The following ITSN2 variants were observed in gnomAD, a reference collection of about 807,000 sequenced individuals.
ITSN2 encodes intersectin-2.
ITSN2 carries 156 observed loss-of-function variants against 243.7 expected under a neutral mutation model. That is an observed-to-expected ratio of 0.64 (90% CI 0.56 to 0.73). The LOEUF is 0.73. Ranked by LOEUF, ITSN2 falls within the 30% of genes least tolerant of loss-of-function variation. The pLI is 0.00. For synonymous variants in ITSN2, 703 were observed against 699.9 expected (o/e 1.00, Z -0.07); for missense variants, 1,801 against 1,996.1 (o/e 0.90, Z 1.86).
chr2:24,289,363 G>T (rs1324125800), intron 15 of ITSN2, among the ~76,000 whole-genome samples: 1 of 151,896 alleles, frequency 6.6e-6, no homozygotes, highest in Non-Finnish European at 1.5e-5. Flanking sequence ...AATTATTTTT[G>T]ATGCTGTCAT....
At chr2:24,220,379 CGAA>C in intron 30 of ITSN2, 1 of 985,112 alleles carries the variant, frequency 1.0e-6, no homozygotes, top group Non-Finnish European at 1.2e-6. Context: ...AAGTGCTACT[CGAA>C]TAAGGATAGC....
At chr2:24,305,915 CCT>C (rs1682472686) in intron 8 of ITSN2, among the ~76,000 whole-genome samples, 1 of 152,136 alleles carries the variant, frequency 6.6e-6, no homozygotes, top group Non-Finnish European at 1.5e-5. Flanking sequence ...TGCAAAATCA[CCT>C]CTGTTTATAC....
At chr2:24,314,257 T>C (rs1470151834) in intron 3 of ITSN2, among the ~76,000 whole-genome samples, 2 of 152,262 alleles carry the variant, frequency 1.3e-5, no homozygotes, top group Non-Finnish European at 2.9e-5. Context: ...CTCAGGAATC[T>C]TGGGTCTTCC....
At chr2:24,254,086 A>G (rs1674706895) in intron 24 of ITSN2, among the ~76,000 whole-genome samples, 1 of 152,224 alleles carries the variant, frequency 6.6e-6, no homozygotes, top group Non-Finnish European at 1.5e-5. Context: ...CAATAATTGC[A>G]ACACTTTTTA....
chr2:24,360,034 G>T (rs1292704264), intron 1 of ITSN2, among the ~76,000 whole-genome samples: 4 of 151,930 alleles, frequency 2.6e-5, no homozygotes, highest in Non-Finnish European at 5.9e-5. Flanking sequence ...CCCGGGCTCG[G>T]CCGCAAGGAA....
intron 17 of ITSN2, among the ~76,000 whole-genome samples, chr2:24,281,759 A>C (rs1371231996): frequency 6.6e-6 from 1 of 152,108 alleles, no homozygotes; most frequent in African/African-American, 2.4e-5. Flanking sequence ...GAAACTTCCT[A>C]ATCTTCCATC....
chr2:24,333,367 A>G (rs1685997662), intron 1 of ITSN2, among the ~76,000 whole-genome samples: 1 of 152,194 alleles, frequency 6.6e-6, no homozygotes, highest in Admixed American at 6.5e-5. Context: ...CTCTTGGTAT[A>G]ACTCTCTGAA....
chr2:24,204,509 A>ATAAT lies in ITSN2; in HGVS notation c.4763-95_4763-92dup. The stretch of plus-strand genomic sequence containing the variant: ...CTCCCTGAGCAGAAGCAGGATTCCA[A>ATAAT]TAATGGGTCACTCGAGACCATGGCA... On this transcript the variant is annotated intron_variant, in intron 38 of 39. Coordinates refer to ENST00000355123, the MANE Select transcript of ITSN2 (RefSeq NM_006277.3). This position sits in a 1 kb window ranked among gnomAD's most constrained non-coding sequence, Gnocchi z 5.1. 8.6e-7 allele frequency: 1 copy of ATAAT among 1,164,498 alleles called. No individual in the cohort carries two copies. Among genetic ancestry groups the ATAAT allele is most frequent in the Non-Finnish European group, 1.3e-6 (1 of 772,832 alleles). The allele number at this position is 1,164,498 out of a possible 1,614,324, so 72.1% of individuals were successfully genotyped here. A position where few individuals can be genotyped will look rare whatever the true frequency, so the allele number is the denominator to read the frequency against.
chr2:24,299,269 G>A (rs1404018350), intron 12 of ITSN2, among the ~76,000 whole-genome samples: 2 of 152,052 alleles, frequency 1.3e-5, no homozygotes, highest in East Asian at 1.9e-4. Context: ...TTTTGTTACA[G>A]TCATTTTTCT....
chr2:24,332,179 T>G (rs1470429570), intron 1 of ITSN2, among the ~76,000 whole-genome samples: 1 of 151,998 alleles, frequency 6.6e-6, no homozygotes, highest in African/African-American at 2.4e-5. Flanking sequence ...GAGGTGGAGG[T>G]TGCAGTGAGC....
At chr2:24,316,774 C>G (rs1574288399) in intron 2 of ITSN2, among the ~76,000 whole-genome samples, 1 of 152,198 alleles carries the variant, frequency 6.6e-6, no homozygotes, top group Non-Finnish European at 1.5e-5. Context: ...CCTCCACCTG[C>G]AGTGGTGGCT....
chr2:24,207,163 A>G (rs1668978497), intron 37 of ITSN2, among the ~76,000 whole-genome samples: 1 of 152,124 alleles, frequency 6.6e-6, no homozygotes, highest in Non-Finnish European at 1.5e-5. Flanking sequence ...GCAGCTCTGG[A>G]AAAAAGAATA....
At position 24,209,867 on chromosome 2, in the gene ITSN2, T is replaced by C. The variant is rs1669297861; in HGVS notation, c.4424A>G (p.Glu1475Gly). 1 of 1,614,098 alleles carries C rather than the reference T, an allele frequency of 6.2e-7. No homozygotes were observed. The highest frequency in any genetic ancestry group is 8.5e-7 in the Non-Finnish European group (1 of 1,180,036). The change falls in exon 35 of 40, where the codon GAG becomes GGG. Residue 1475 changes from glutamate (E) to glycine (G), a missense_variant. Around this residue, in one of 5 missense-constraint regions of ITSN2, gnomAD observed 928 missense variants for 1,065.4 expected, o/e 0.87. Coordinates refer to ENST00000355123, the MANE Select transcript of ITSN2 (RefSeq NM_006277.3). ...ATTGGACTTCGAGCTGAAAAGTTTC[T>C]CAGAGCCAGAGGAAACAGCAAACTG... ...VKQFAVSSGSEKLFSSKSNAQ... is the reference protein window; with the variant it reads ...VKQFAVSSGSGKLFSSKSNAQ...
At chr2:24,349,104 A>G (rs1488240814) in intron 1 of ITSN2, among the ~76,000 whole-genome samples, 1 of 152,108 alleles carries the variant, frequency 6.6e-6, no homozygotes, top group Non-Finnish European at 1.5e-5. Flanking sequence ...CTGTCTCTAC[A>G]ACAACAATAA....
chr2:24,355,736 T>C (rs1351144113), intron 1 of ITSN2, among the ~76,000 whole-genome samples: 1 of 152,002 alleles, frequency 6.6e-6, no homozygotes, highest in Non-Finnish European at 1.5e-5. Flanking sequence ...ACAAATAGGA[T>C]CTAATTAAAC....
intron 29 of ITSN2, among the ~76,000 whole-genome samples, chr2:24,234,332 G>C (rs750016545): frequency 6.6e-6 from 1 of 150,696 alleles, no homozygotes; most frequent in Non-Finnish European, 1.5e-5. Flanking sequence ...GGTCTCTACT[G>C]TTCGCAAAAA....
intron 29 of ITSN2, among the ~76,000 whole-genome samples, chr2:24,227,247 T>G (rs928863357): frequency 4.1e-5 from 6 of 145,866 alleles, no homozygotes; most frequent in African/African-American, 1.3e-4. Context: ...CTCCATGAGA[T>G]TCCACAGAAA....
At chr2:24,329,987 T>TG (rs1378840476) in intron 1 of ITSN2, among the ~76,000 whole-genome samples, 1 of 152,222 alleles carries the variant, frequency 6.6e-6, no homozygotes, top group Non-Finnish European at 1.5e-5. Context: ...GCTACATGGC[T>TG]AAAAACAAAC....
rs1018118741 is a variant in ITSN2 at position 24,293,748 on chromosome 2, C to G, written c.1663G>C (p.Val555Leu). 7.7e-6 allele frequency: 9 copies of G among 1,164,548 alleles called. No homozygotes were observed. The highest frequency in any genetic ancestry group is 9.8e-6 in the Non-Finnish European group (8 of 815,050). The allele number at this position is 1,164,548 out of a possible 1,614,324, so 72.1% of individuals were successfully genotyped here. The change falls in exon 15 of 40, where the codon GTA becomes CTA. Residue 555 changes from valine (V) to leucine (L), a missense_variant. Transcript: ENST00000355123. The part of the protein sequence containing the change: ...QEYQNKLIYL[V>L]PEKQLLNERI... ...TCATTTAATAATTGCTTCTCAGGTA[C>G]CAGATAGATAAGCTTATTCTGATAT...
Sources: gnomAD v4.1 joint callset for allele counts (sites outside exome capture counted in the v4.1 genomes callset) on GRCh38, gnomAD v4.1.1 for gene constraint, gnomAD v4.1.1 regional missense constraint, Gnocchi (gnomAD v3.1) non-coding constraint, MANE v1.5 for transcripts, NCBI Gene and HGNC (gene_info 2026-07-23, HGNC 2026-07-21) for gene names.